The following TAP1 variants were observed in gnomAD, a reference collection of about 807,000 sequenced individuals.
TAP1 encodes antigen peptide transporter 1.
TAP1 carries 56 observed loss-of-function variants against 79.3 expected under a neutral mutation model. The ratio of observed to expected loss-of-function variants is 0.71; its 90% CI spans 0.57 to 0.88. TAP1 has a LOEUF of 0.88. TAP1 is among the 40% of genes least tolerant of loss of function. The pLI is 0.00. For missense variants in TAP1, 737 were observed against 936.3 expected (o/e 0.79, Z 2.78); for synonymous variants, 355 against 401.4 (o/e 0.88, Z 1.38).
In TAP1 at chr6:32,848,974, G is replaced by T. The variant is rs368263473; in HGVS notation, c.1377+16C>A. 6.2e-7 allele frequency: 1 copy of T among 1,612,750 alleles called. No individual in the cohort carries two copies. ...GGAAGGAATCACACTGGGGAGTGAA[G>T]GTGGAGGGACCTCACCTCCACAGCC... On this transcript the variant is annotated intron_variant, in intron 6 of 10. Transcript: ENST00000354258.
Position 32,851,632 on chromosome 6 carries a change from T to C in TAP1, c.844+477A>G, listed in dbSNP as rs1158210115. Reference sequence around the variant, plus strand: ...AAGCATGCCGAAGTCTGTGGAGCACTCAAGAGACCAGGGTTCTAACCCCAA... The same window carrying C: ...AAGCATGCCGAAGTCTGTGGAGCACCCAAGAGACCAGGGTTCTAACCCCAA... On this transcript the variant is annotated intron_variant, in intron 3 of 10. Coordinates refer to ENST00000354258, the MANE Select transcript of TAP1 (RefSeq NM_000593.6). The surrounding 1 kb of genome is among the most constrained non-coding windows in gnomAD (Gnocchi z 4.8). Among the ~76,000 whole-genome samples the C allele has an allele frequency of 6.6e-6, 1 of 152,196 alleles. No homozygotes were observed. Among genetic ancestry groups the C allele is most frequent in the Non-Finnish European group, 1.5e-5 (1 of 68,026 alleles).
chr6:32,853,216 C>A lies in TAP1; in HGVS notation c.421G>T (p.Val141Phe), dbSNP rs1343910097. ...LHWGSHPTAF[V>F]VSYAAALPAA... is the part of the protein sequence containing the mutation. The stretch of plus-strand genomic sequence containing the variant: ...GGCAGTGCCGCTGCATAACTGACAA[C>A]GAAGGCGGTAGGGTGACTTCCCCAG... Residue 141 changes from valine (V) to phenylalanine (F), a missense_variant, in exon 1 of 11, where the codon GTT becomes TTT. Val to Phe is a conservative substitution (Grantham distance 50). Coordinates refer to ENST00000354258, the MANE Select transcript of TAP1 (RefSeq NM_000593.6). The surrounding 1 kb of genome is among the most constrained non-coding windows in gnomAD (Gnocchi z 8.3). 6.2e-7 allele frequency: 1 copy of A among 1,611,170 alleles called. No homozygotes were observed. The highest frequency in any genetic ancestry group is 8.5e-7 in the Non-Finnish European group (1 of 1,179,146).
In TAP1 at chr6:32,852,005, GTA is replaced by G. The variant is rs1183419051; in HGVS notation, c.844+102_844+103del. ...TCAAGAATGAGAAGGAACAATGTGT[GTA>G]TGTGTGTGTGAGAGAGAGAGAGCGG... On this transcript the variant is annotated intron_variant, in intron 3 of 10. Coordinates refer to ENST00000354258, the MANE Select transcript of TAP1 (RefSeq NM_000593.6). This position sits in a 1 kb window ranked among gnomAD's most constrained non-coding sequence, Gnocchi z 4.8. 2.0e-6 allele frequency: 3 copies of G among 1,464,590 alleles called. No individual in the cohort carries two copies. The highest frequency in any genetic ancestry group is 2.3e-5 in the South Asian group (2 of 87,378). The allele number at this position is 1,464,590 out of a possible 1,614,324, so 90.7% of individuals were successfully genotyped here.
Position 32,852,142 on chromosome 6 carries a change from G to A in TAP1, c.811C>T (p.Gln271Ter). 1 of 1,613,046 alleles carries A rather than the reference G, an allele frequency of 6.2e-7. No homozygotes were observed. The highest frequency in any genetic ancestry group is 8.5e-7 in the Non-Finnish European group (1 of 1,180,024). Residue 271 changes from glutamine to a stop codon, truncating the protein, a stop_gained, in exon 3 of 11, where the codon CAG becomes TAG. Transcript: ENST00000354258. LOFTEE classifies it high-confidence loss of function. This position sits in a 1 kb window ranked among gnomAD's most constrained non-coding sequence, Gnocchi z 4.8. The part of the protein sequence containing the change: ...QGEVFGAVLR[Q>*]ETEFFQQNQT... The stretch of plus-strand genomic sequence containing the variant: ...TTCTGTTGGAAAAACTCCGTCTCCT[G>A]GCGCAGGACAGCCCCAAACACCTCT...
Position 32,845,353 on chromosome 6 carries a change from AG to A in TAP1, c.*225del, listed in dbSNP as rs1770290318. The A allele has an allele frequency of 3.2e-6, 2 of 617,060 alleles. No individual in the cohort carries two copies. Among genetic ancestry groups the A allele is most frequent in the African/African-American group, 3.7e-5 (2 of 54,208 alleles). The allele number at this position is 617,060 out of a possible 1,614,324, so 38.2% of individuals were successfully genotyped here. A position where few individuals can be genotyped will look rare whatever the true frequency, so the allele number is the denominator to read the frequency against. The stretch of plus-strand genomic sequence containing the variant: ...AGTTTCAGAGTGCTGGCCACACCAA[AG>A]CATCAGCCCTGGCTCTAAACTCCGT... On this transcript the variant is annotated 3_prime_UTR_variant, in exon 11 of 11. Transcript: ENST00000354258. The surrounding 1 kb of genome is among the most constrained non-coding windows in gnomAD (Gnocchi z 4.5).
Position 32,850,720 on chromosome 6 carries a change from T to C in TAP1, c.1051-203A>G, listed in dbSNP as rs1770729203. Among the ~76,000 whole-genome samples the C allele has an allele frequency of 6.6e-6, 1 of 152,074 alleles. No homozygotes were observed. The highest frequency in any genetic ancestry group is 1.5e-5 in the Non-Finnish European group (1 of 68,002). On this transcript the variant is annotated intron_variant, in intron 4 of 10. Transcript: ENST00000354258. This position sits in a 1 kb window ranked among gnomAD's most constrained non-coding sequence, Gnocchi z 5.5. ...CAGAACGGGTTGGGGATCAAATTCT[T>C]AAAGACAGATTGTGGGGAGAAGCTA...
Position 32,851,992 on chromosome 6 carries a change from A to G in TAP1, c.844+117T>C. On this transcript the variant is annotated intron_variant, in intron 3 of 10. Coordinates refer to ENST00000354258, the MANE Select transcript of TAP1 (RefSeq NM_000593.6). The surrounding 1 kb of genome is among the most constrained non-coding windows in gnomAD (Gnocchi z 4.8). ...GGGAGAGGGTATATCAAGAATGAGA[A>G]GGAACAATGTGTGTATGTGTGTGTG... 2 of 1,393,118 alleles carry G rather than the reference A, an allele frequency of 1.4e-6. No homozygotes were observed. The highest frequency in any genetic ancestry group is 2.0e-6 in the Non-Finnish European group (2 of 995,704). The allele number at this position is 1,393,118 out of a possible 1,614,324, so 86.3% of individuals were successfully genotyped here.
rs192572056 is a variant in TAP1, at chr6:32,848,058, G to C, written c.1601C>G (p.Thr534Arg). The C allele has an allele frequency of 6.2e-7, 1 of 1,612,430 alleles. No individual in the cohort carries two copies. Among genetic ancestry groups the C allele is most frequent in the Admixed American group, 1.7e-5 (1 of 59,926 alleles). Residue 534 changes from threonine to arginine, a missense_variant, in exon 8 of 11, where the codon ACG (threonine) becomes AGG (arginine). By Grantham distance (71) the Thr-to-Arg change is moderately conservative (BLOSUM62 -1). Coordinates refer to ENST00000354258, the MANE Select transcript of TAP1 (RefSeq NM_000593.6). ...LTFTLRPGEV[T>R]ALVGPNGSGK... The stretch of plus-strand genomic sequence containing the variant: ...AGACCCATTGGGTCCCACCAGCGCC[G>C]TCACCTCGCCAGGGCGTAGGGTGAA...
In TAP1 at chr6:32,852,399, G is replaced by A; in HGVS notation, c.702C>T (p.Leu234=). 2.5e-6 allele frequency: 4 copies of A among 1,613,072 alleles called. No individual in the cohort carries two copies. The highest frequency in any genetic ancestry group is 3.4e-6 in the Non-Finnish European group (4 of 1,180,036). ...FTRNLTLMSI[L]TIASAVLEFV... is the part of the protein sequence containing the mutation. ...TTCAGCCCCCAGACCTGGCTATGGTGAGAATGGACATGAGAGTTAAGTTTC... is the reference window on the plus strand; with the variant it reads ...TTCAGCCCCCAGACCTGGCTATGGTAAGAATGGACATGAGAGTTAAGTTTC... Residue 234 remains leucine (L), a synonymous_variant, in exon 2 of 11, where the codon CTC becomes CTT. Coordinates refer to ENST00000354258, the MANE Select transcript of TAP1 (RefSeq NM_000593.6). The surrounding 1 kb of genome is among the most constrained non-coding windows in gnomAD (Gnocchi z 4.8).
Position 32,853,055 on chromosome 6 carries a change from C to A in TAP1, c.582G>T (p.Val194=). 1 of 1,612,484 alleles carries A rather than the reference C, an allele frequency of 6.2e-7. No individual in the cohort carries two copies. The highest frequency in any genetic ancestry group is 8.5e-7 in the Non-Finnish European group (1 of 1,179,994). Residue 194 remains valine, a synonymous_variant, in exon 1 of 11, where the codon GTG becomes GTT. Coordinates refer to ENST00000354258, the MANE Select transcript of TAP1 (RefSeq NM_000593.6). This position sits in a 1 kb window ranked among gnomAD's most constrained non-coding sequence, Gnocchi z 8.3. ...TRRLSLFLVL[V]VLSSLGEMAI... The stretch of plus-strand genomic sequence containing the variant: ...TCCCCTTACCAAGAGAGGAGAGGAC[C>A]ACCAGGACCAGGAACAGCGAGAGGC...
Position 32,850,922 on chromosome 6 carries a change from C to CG in TAP1, c.1050+21dup. Reference sequence around the variant, plus strand: ...CTGGGAGATGAGGGTCTGTGTAGAGCGGGCCAACTCCATGAACATACCTGG... The same window carrying CG: ...CTGGGAGATGAGGGTCTGTGTAGAGCGGGGCCAACTCCATGAACATACCTGG... On this transcript the variant is annotated intron_variant, in intron 4 of 10. Transcript: ENST00000354258. The surrounding 1 kb of genome is among the most constrained non-coding windows in gnomAD (Gnocchi z 5.5). 1 of 1,604,454 alleles carries CG rather than the reference C, an allele frequency of 6.2e-7. No homozygotes were observed. The highest frequency in any genetic ancestry group is 8.5e-7 in the Non-Finnish European group (1 of 1,173,522).
Position 32,848,757 on chromosome 6 carries a change from G to A in TAP1, c.1461C>T (p.Arg487=), listed in dbSNP as rs146075993. The A allele has an allele frequency of 1.7e-4, 280 of 1,614,150 alleles. No individual in the cohort carries two copies. The African/African-American group carries it at 3.4e-3, about 20-fold the overall frequency. Residue 487 remains arginine, a synonymous_variant, in exon 7 of 11, where the codon CGC becomes CGT. Transcript: ENST00000354258. ...KIFEYLDRTP[R]CPPSGLLTPL... The stretch of plus-strand genomic sequence containing the variant: ...GAGTCAACAGACCACTGGGTGGGCA[G>A]CGAGGGGTGCGGTCCAGGTACTCAA...
In TAP1 at chr6:32,852,842, G is replaced by A. The variant is rs1047517590; in HGVS notation, c.598+197C>T. The stretch of plus-strand genomic sequence containing the variant: ...AAAGAATCAAGACCCGGTCAGCAAT[G>A]GAGCCCAGAACCTCTGGCCCCCGCC... On this transcript the variant is annotated intron_variant, in intron 1 of 10. Transcript: ENST00000354258. This position sits in a 1 kb window ranked among gnomAD's most constrained non-coding sequence, Gnocchi z 4.8. 4.2e-6 allele frequency: 6 copies of A among 1,439,988 alleles called. No homozygotes were observed. The highest frequency in any genetic ancestry group is 1.5e-5 in the South Asian group (1 of 66,400). 89.2% of individuals were successfully genotyped at this position (1,439,988 alleles called of 1,614,324 possible). A position where few individuals can be genotyped will look rare whatever the true frequency, so the allele number is the denominator to read the frequency against.
chr6:32,848,016 G>C lies in TAP1; in HGVS notation c.1643C>G (p.Ala548Gly). 2 of 1,613,126 alleles carry C rather than the reference G, an allele frequency of 1.2e-6. No individual in the cohort carries two copies. Among genetic ancestry groups the C allele is most frequent in the Non-Finnish European group, 1.7e-6 (2 of 1,180,030 alleles). Residue 548 changes from alanine to glycine, a missense_variant, in exon 8 of 11, where the codon GCT becomes GGT. By Grantham distance (60) the Ala-to-Gly change is moderately conservative. Around this residue, in one of 5 missense-constraint regions of TAP1, gnomAD observed 266 missense variants for 332.4 expected, o/e 0.80. Coordinates refer to ENST00000354258, the MANE Select transcript of TAP1 (RefSeq NM_000593.6). ...GPNGSGKSTV[A>G]ALLQNLYQPT... ...CTGGTACAGATTCTGCAGCAGGGCA[G>C]CCACTGTGCTCTTCCCAGACCCATT...
At position 32,853,238 on chromosome 6, in the gene TAP1, C is replaced by T; in HGVS notation, c.399G>A (p.Trp133Ter). 1 of 1,606,942 alleles carries T rather than the reference C, an allele frequency of 6.2e-7. No homozygotes were observed. The highest frequency in any genetic ancestry group is 1.1e-5 in the South Asian group (1 of 90,104). Residue 133 changes from tryptophan to a stop codon, truncating the protein, a stop_gained, in exon 1 of 11, where the codon TGG becomes TGA. Coordinates refer to ENST00000354258, the MANE Select transcript of TAP1 (RefSeq NM_000593.6). LOFTEE classifies it high-confidence loss of function. The surrounding 1 kb of genome is among the most constrained non-coding windows in gnomAD (Gnocchi z 8.3). Reference protein sequence around the residue: ...GSADSTRLLHWGSHPTAFVVS... With the variant: ...GSADSTRLLH ...CAACGAAGGCGGTAGGGTGACTTCC[C>T]CAGTGCAGTAGCCTGGTGCTATCCG...
chr6:32,850,867 G>T lies in TAP1; in HGVS notation c.1050+77C>A. On this transcript the variant is annotated intron_variant, in intron 4 of 10. Transcript: ENST00000354258. The surrounding 1 kb of genome is among the most constrained non-coding windows in gnomAD (Gnocchi z 5.5). ...GGGTGCCAGGAAAGCTGGACTGAAA[G>T]CAATGTGAGAGGAACTGAGTCTGCC... 7.6e-7 allele frequency: 1 copy of T among 1,316,916 alleles called. No individual in the cohort carries two copies. Among genetic ancestry groups the T allele is most frequent in the Non-Finnish European group, 1.1e-6 (1 of 912,122 alleles). The allele number at this position is 1,316,916 out of a possible 1,614,324, so 81.6% of individuals were successfully genotyped here. A position where few individuals can be genotyped will look rare whatever the true frequency, so the allele number is the denominator to read the frequency against.
At position 32,852,203 on chromosome 6, in the gene TAP1, G is replaced by T; in HGVS notation, c.750C>A (p.Asn250Lys). 7 of 1,613,042 alleles carry T rather than the reference G, an allele frequency of 4.3e-6. No homozygotes were observed. Among genetic ancestry groups the T allele is most frequent in the Non-Finnish European group, 5.9e-6 (7 of 1,180,016 alleles). ...GGCTGTGCACGTGGCCCATGGTGTTGTTATAGATCCCGTCACCCACGAACT... is the reference window on the plus strand; with the variant it reads ...GGCTGTGCACGTGGCCCATGGTGTTTTTATAGATCCCGTCACCCACGAACT... ...VLEFVGDGIY[N>K]NTMGHVHSHL... Residue 250 changes from asparagine to lysine, a missense_variant, in exon 3 of 11, where the codon AAC becomes AAA. Physicochemically the swap from Asn to Lys is moderately conservative, Grantham distance 94. Coordinates refer to ENST00000354258, the MANE Select transcript of TAP1 (RefSeq NM_000593.6). The surrounding 1 kb of genome is among the most constrained non-coding windows in gnomAD (Gnocchi z 4.8).
At position 32,851,182 on chromosome 6, in the gene TAP1, T is replaced by A; in HGVS notation, c.845-33A>T. 2.5e-6 allele frequency: 4 copies of A among 1,601,536 alleles called. No individual in the cohort carries two copies. The highest frequency in any genetic ancestry group is 3.4e-6 in the Non-Finnish European group (4 of 1,171,196). ...GTTGGGGAGAAGAGAGTGAGGTGAA[T>A]CAGACAGGTTCCAAGTGATGAGACG... On this transcript the variant is annotated intron_variant, in intron 3 of 10. Transcript: ENST00000354258. The surrounding 1 kb of genome is among the most constrained non-coding windows in gnomAD (Gnocchi z 4.8).
Position 32,850,965 on chromosome 6 carries a change from C to T in TAP1, c.1029G>A (p.Lys343=). The stretch of plus-strand genomic sequence containing the variant: ...ATACCTGGTACCATTTTCCCACCTT[C>T]TTGGGCAGAAGGAAAAGCAGAGGCA... The part of the protein sequence containing the change: ...ITLPLLFLLP[K]KVGKWYQLLE... The change falls in exon 4 of 11, where the codon AAG becomes AAA. Residue 343 remains lysine, a synonymous_variant. Transcript: ENST00000354258. This position sits in a 1 kb window ranked among gnomAD's most constrained non-coding sequence, Gnocchi z 5.5. 1 of 1,612,900 alleles carries T rather than the reference C, an allele frequency of 6.2e-7. No homozygotes were observed.
Sources: gnomAD v4.1 joint callset for allele counts (sites outside exome capture counted in the v4.1 genomes callset) on GRCh38, gnomAD v4.1.1 for gene constraint, gnomAD v4.1.1 regional missense constraint, Gnocchi (gnomAD v3.1) non-coding constraint, MANE v1.5 for transcripts, NCBI Gene and HGNC (gene_info 2026-07-23, HGNC 2026-07-21) for gene names.